The following ARID1A variants were observed in gnomAD, a reference collection of about 807,000 sequenced individuals.
ARID1A encodes AT-rich interaction domain 1A.
ARID1A carries 20 observed loss-of-function variants against 212.6 expected under a neutral mutation model. The observed-to-expected ratio is 0.09, with a 90% CI of 0.07 to 0.14. The LOEUF (loss-of-function observed/expected upper bound fraction) is 0.14. Ranked by LOEUF, ARID1A falls within the 10% of genes least tolerant of loss-of-function variation. ARID1A has a pLI of 1.00. For missense variants in ARID1A, 2,587 were observed against 3,059.0 expected, an observed-to-expected ratio of 0.85 and a Z score of 3.64; for synonymous variants, 1,376 against 1,222.1, an observed-to-expected ratio of 1.13 and a Z score of -2.63.
intron 4 of ARID1A, among the ~76,000 whole-genome samples, chr1:26,755,864 C>T (rs1042214875): frequency 3.3e-5 from 5 of 151,908 alleles, no homozygotes; most frequent in Non-Finnish European, 5.9e-5. Context: ...CTGCCTCAGC[C>T]TCCCGAGTAA....
intron 5 of ARID1A, 42 bp from the exon 6 acceptor site, chr1:26,761,342 G>GCTTAGC (rs1350563389): frequency 2.5e-6 from 4 of 1,608,240 alleles, no homozygotes; most frequent in Non-Finnish European, 3.4e-6. Flanking sequence ...GAATTCCCAG[G>GCTTAGC]CTTAGCCATG....
At chr1:26,747,132 G>A (rs752634298) in intron 4 of ARID1A, among the ~76,000 whole-genome samples, 2 of 152,034 alleles carry the variant, frequency 1.3e-5, no homozygotes, top group African/African-American at 4.8e-5. Context: ...TTGTGTCTAC[G>A]ACATACTAGA....
rs2124069353 is a variant in ARID1A at position 26,763,149 on chromosome 1, C to T, written c.2596C>T (p.Arg866Trp). ...GATGAGTCACGCCTCCATGGGCAACCGGCCTTATGGCCCTAACATGGCCAA... is the reference window on the plus strand; with the variant it reads ...GATGAGTCACGCCTCCATGGGCAACTGGCCTTATGGCCCTAACATGGCCAA... ...GRMSHASMGN[R>W]PYGPNMANMP... The change falls in exon 8 of 20, where the codon CGG (arginine) becomes TGG (tryptophan). Residue 866 changes from arginine (R) to tryptophan (W), a missense_variant. Arg to Trp is a moderately radical substitution (Grantham distance 101). Around this residue, in one of 11 missense-constraint regions of ARID1A, gnomAD observed 674 missense variants for 813.4 expected, o/e 0.83. Coordinates refer to ENST00000324856, the MANE Select transcript of ARID1A (RefSeq NM_006015.6). The T allele has an allele frequency of 3.1e-6, 5 of 1,614,254 alleles. No individual in the cohort carries two copies. Among genetic ancestry groups the T allele is most frequent in the South Asian group, 1.1e-5 (1 of 91,090 alleles).
At chr1:26,713,940 G>A (rs1041820011) in intron 1 of ARID1A, among the ~76,000 whole-genome samples, 1 of 152,184 alleles carries the variant, frequency 6.6e-6, no homozygotes, top group African/African-American at 2.4e-5. Context: ...AACCTCAAGT[G>A]ACCAATATGT....
At chr1:26,702,257 T>C (rs1158998728) in intron 1 of ARID1A, among the ~76,000 whole-genome samples, 1 of 152,230 alleles carries the variant, frequency 6.6e-6, no homozygotes, top group Non-Finnish European at 1.5e-5. Flanking sequence ...TTGTTTCTCA[T>C]CGCTATGGTT....
chr1:26,698,464 G>T (rs1252295333), intron 1 of ARID1A, among the ~76,000 whole-genome samples: 1 of 152,182 alleles, frequency 6.6e-6, no homozygotes, highest in Non-Finnish European at 1.5e-5. Context: ...GAGGAGGGAG[G>T]TTTAAGTAGC....
chr1:26,697,125 C>T lies in ARID1A; in HGVS notation c.722C>T (p.Ser241Phe). 6.9e-7 allele frequency: 1 copy of T among 1,441,534 alleles called. No homozygotes were observed. Among genetic ancestry groups the T allele is most frequent in the Non-Finnish European group, 9.1e-7 (1 of 1,102,118 alleles). 89.3% of individuals were successfully genotyped at this position (1,441,534 alleles called of 1,614,324 possible). A position where few individuals can be genotyped will look rare whatever the true frequency, so the allele number is the denominator to read the frequency against. The stretch of plus-strand genomic sequence containing the variant: ...TCCCCGAGAGGTGGCACTCCGGGCT[C>T]CGGCGCGGCGGCGGCTGCCGGCTCC... ...LSSPRGGTPGSGAAAAAGSKP... is the reference protein window; with the variant it reads ...LSSPRGGTPGFGAAAAAGSKP... The change falls in exon 1 of 20, where the codon TCC becomes TTC. Residue 241 changes from serine (S) to phenylalanine (F), a missense_variant. Transcript: ENST00000324856.
chr1:26,771,262 C>T lies in ARID1A; in HGVS notation c.3342C>T (p.Pro1114=), dbSNP rs762853230. 1 of 1,614,174 alleles carries T rather than the reference C, an allele frequency of 6.2e-7. No homozygotes were observed. Among genetic ancestry groups the T allele is most frequent in the Non-Finnish European group, 8.5e-7 (1 of 1,180,044 alleles). Residue 1114 remains proline, a synonymous_variant, in exon 12 of 20, where the codon CCC becomes CCT. Coordinates refer to ENST00000324856, the MANE Select transcript of ARID1A (RefSeq NM_006015.6). The surrounding 1 kb of genome is among the most constrained non-coding windows in gnomAD (Gnocchi z 5.4). ...ECKIERGEDP[P]PDIFAAADSK... ...AGATTGAACGGGGAGAAGACCCTCC[C>T]CCAGACATCTTTGCAGCTGCTGATT...
In ARID1A at chr1:26,774,145, G is replaced by A; in HGVS notation, c.4102-184G>A. The A allele has an allele frequency of 8.0e-7, 1 of 1,242,238 alleles. No individual in the cohort carries two copies. The allele number at this position is 1,242,238 out of a possible 1,614,324, so 77.0% of individuals were successfully genotyped here. ...TGTATATTTTTCTACTTAAGCAAGG[G>A]AAGGGAAGAAAGAGTGGTGGTTGCT... On this transcript the variant is annotated intron_variant, in intron 17 of 19. Coordinates refer to ENST00000324856, the MANE Select transcript of ARID1A (RefSeq NM_006015.6). This position sits in a 1 kb window ranked among gnomAD's most constrained non-coding sequence, Gnocchi z 5.6.
chr1:26,719,232 A>G (rs2080536458), intron 1 of ARID1A, among the ~76,000 whole-genome samples: 1 of 152,246 alleles, frequency 6.6e-6, no homozygotes, highest in South Asian at 2.1e-4. Flanking sequence ...AAGGATACAG[A>G]TAGCAAACAA....
intron 1 of ARID1A, among the ~76,000 whole-genome samples, chr1:26,705,580 C>T (rs1012954356): frequency 7.9e-5 from 12 of 151,738 alleles, no homozygotes; most frequent in African/African-American, 2.4e-4. Context: ...AGTGGGTTTT[C>T]AGTTACTCAG....
In ARID1A at chr1:26,697,282, C is replaced by T. The variant is rs779556809; in HGVS notation, c.879C>T (p.Pro293=). The change falls in exon 1 of 20, where the codon CCC becomes CCT. Residue 293 remains proline, a synonymous_variant. Transcript: ENST00000324856. ...GGGTPQPTAT[P]TLNQLLTSPS... The stretch of plus-strand genomic sequence containing the variant: ...GAACTCCCCAGCCCACCGCCACCCC[C>T]ACCCTCAACCAACTGCTCACGTCGC... 5.9e-6 allele frequency: 8 copies of T among 1,363,534 alleles called. No homozygotes were observed. Among genetic ancestry groups the T allele is most frequent in the Non-Finnish European group, 6.6e-6 (7 of 1,065,210 alleles). 84.5% of individuals were successfully genotyped at this position (1,363,534 alleles called of 1,614,324 possible).
chr1:26,765,421 G>A (rs768838048), intron 8 of ARID1A: 5 of 151,980 alleles, frequency 3.3e-5, no homozygotes, highest in Non-Finnish European at 5.9e-5. Flanking sequence ...CCGGGAGGCG[G>A]AGCTTGCAGT....
chr1:26,735,567 T>TTTC (rs1215537552), intron 4 of ARID1A, among the ~76,000 whole-genome samples: 1 of 152,296 alleles, frequency 6.6e-6, no homozygotes, highest in East Asian at 1.9e-4. Context: ...GCTGGGATTA[T>TTTC]AGGCGTGAGC....
At chr1:26,766,712 TATC>T (rs2081042785) in intron 10 of ARID1A, 146 bp downstream of exon 10, 1 of 852,384 alleles carries the variant, frequency 1.2e-6, no homozygotes, top group Middle Eastern at 3.4e-4. Context: ...TGCCTCCTCT[TATC>T]ATGAAAGGTC....
intron 8 of ARID1A, chr1:26,764,385 T>G (rs549299141): frequency 1.3e-5 from 2 of 152,182 alleles, no homozygotes; most frequent in African/African-American, 2.4e-5. Context: ...CAGTCAACTT[T>G]TTGGTTTCCA....
chr1:26,730,901 A>C (rs1260214528), intron 2 of ARID1A, among the ~76,000 whole-genome samples: 2 of 152,200 alleles, frequency 1.3e-5, no homozygotes, highest in Admixed American at 6.5e-5. Flanking sequence ...TATGTTGCCC[A>C]AATAGTAAAT....
chr1:26,744,551 A>T (rs1170328379), intron 4 of ARID1A, among the ~76,000 whole-genome samples: 1 of 152,144 alleles, frequency 6.6e-6, no homozygotes, highest in East Asian at 1.9e-4. Context: ...GTAGGAAGTT[A>T]AGTTGGGCCA....
intron 1 of ARID1A, among the ~76,000 whole-genome samples, chr1:26,705,451 T>TCC (rs61242310): frequency 3.0e-4 from 43 of 143,340 alleles, no homozygotes; most frequent in Middle Eastern, 7.4e-3. Context: ...TTTTTTTTTT[T>TCC]CCCCCCCCCT....
Sources: allele counts gnomAD v4.1 joint callset (sites outside exome capture counted in the v4.1 genomes callset), GRCh38; gene constraint gnomAD v4.1.1; regional missense constraint gnomAD v4.1.1; non-coding constraint Gnocchi (gnomAD v3.1); transcripts MANE v1.5; gene names NCBI Gene and HGNC (gene_info 2026-07-23, HGNC 2026-07-21).